Variants in PEX5L observed in about 807,000 individuals in gnomAD.
The protein encoded by PEX5L is peroxisomal biogenesis factor 5 like.
A neutral mutation model predicts 84.0 loss-of-function variants in PEX5L; 30 were observed. The ratio of observed to expected loss-of-function variants is 0.36; its 90% CI spans 0.27 to 0.48. PEX5L has a LOEUF of 0.48. Ranked by LOEUF, PEX5L falls within the 20% of genes least tolerant of loss-of-function variation. The pLI is 0.99. For missense variants in PEX5L, 533 were observed against 754.6 expected, an observed-to-expected ratio of 0.71 and a Z score of 3.44; for synonymous variants, 270 against 283.1, an observed-to-expected ratio of 0.95 and a Z score of 0.46.
chr3:180,005,056 G>T (rs1165374526), intron 1 of PEX5L, among the ~76,000 whole-genome samples: 1 of 152,014 alleles, frequency 6.6e-6, no homozygotes, highest in Non-Finnish European at 1.5e-5. Flanking sequence ...CTATTATTGT[G>T]TTAATGTTTA....
chr3:180,001,980 T>C (rs1323255375), intron 1 of PEX5L, among the ~76,000 whole-genome samples: 2 of 152,198 alleles, frequency 1.3e-5, no homozygotes, highest in Non-Finnish European at 2.9e-5. Flanking sequence ...TTACAAGTAG[T>C]ATGATATTGC....
chr3:179,833,421 A>G (rs777550362), intron 8 of PEX5L, among the ~76,000 whole-genome samples: 2 of 152,220 alleles, frequency 1.3e-5, no homozygotes, highest in Non-Finnish European at 2.9e-5. Context: ...CACACTTTTC[A>G]TTAATGCAAT....
intron 1 of PEX5L, among the ~76,000 whole-genome samples, chr3:180,016,496 C>A (rs1341871903): frequency 6.6e-6 from 1 of 152,134 alleles, no homozygotes; most frequent in African/African-American, 2.4e-5. Context: ...TTTAATTTGT[C>A]CTTGAATATA....
intron 2 of PEX5L, among the ~76,000 whole-genome samples, chr3:179,920,100 G>A (rs1000179313): frequency 1.3e-5 from 2 of 152,186 alleles, no homozygotes; most frequent in African/African-American, 4.8e-5. Context: ...ACAACAAGAA[G>A]GAGGTGTTCC....
Position 179,808,750 on chromosome 3 carries a change from A to C in PEX5L, c.1353-313T>G, listed in dbSNP as rs1722408416. ...AAGTTTCCCAAGGCCTCAGTGAATA[A>C]GGATTTAACATAAGGATTTATTGCT... On this transcript the variant is annotated intron_variant, in intron 12 of 14. Transcript: ENST00000467460. Among the ~76,000 whole-genome samples, 3 of 152,156 alleles carry C rather than the reference A, an allele frequency of 2.0e-5. No homozygotes were observed. In the South Asian group the frequency reaches 6.2e-4, roughly 32 times the overall value.
chr3:179,819,201 C>G (rs1473848324), intron 9 of PEX5L, among the ~76,000 whole-genome samples: 1 of 152,072 alleles, frequency 6.6e-6, no homozygotes, highest in Non-Finnish European at 1.5e-5. Flanking sequence ...AAGTCATTTA[C>G]ACTTATTCCT....
rs1048179269 is a variant in PEX5L at position 179,896,607 on chromosome 3, C to T, written c.198+1535G>A. Among the ~76,000 whole-genome samples the T allele has an allele frequency of 6.2e-4, 95 of 152,168 alleles. 1 individual carries two copies. Among genetic ancestry groups the T allele is most frequent in the Middle Eastern group, 3.4e-3 (1 of 294 alleles). The stretch of plus-strand genomic sequence containing the variant: ...GATTATCAGAAAGTACACAGCAATG[C>T]GTGATTTTGTGAAAAAAGAATCTTG... On this transcript the variant is annotated intron_variant, in intron 3 of 14. Transcript: ENST00000467460.
chr3:179,797,570 T>C lies in PEX5L; in HGVS notation c.*4258A>G, dbSNP rs917464756. ...CTTTTTTACAAACTTTATGCCAGAG[T>C]TTATCTATGAACACTCTTTAAAAAA... On this transcript the variant is annotated 3_prime_UTR_variant, in exon 15 of 15. Transcript: ENST00000467460. 21 of 138,350 alleles carry C rather than the reference T, an allele frequency of 1.5e-4. No homozygotes were observed. The highest frequency in any genetic ancestry group is 5.4e-4 in the African/African-American group (20 of 36,874). 8.6% of individuals were successfully genotyped at this position (138,350 alleles called of 1,614,324 possible). A position where few individuals can be genotyped will look rare whatever the true frequency, so the allele number is the denominator to read the frequency against.
At chr3:179,874,795 A>G (rs1445895868) in intron 6 of PEX5L, among the ~76,000 whole-genome samples, 1 of 105,750 alleles carries the variant, frequency 9.5e-6, no homozygotes, top group African/African-American at 3.9e-5. Flanking sequence ...AAAGTGTCTC[A>G]GGAGAGATTT....
intron 2 of PEX5L, among the ~76,000 whole-genome samples, chr3:179,901,631 GA>G (rs1761374501): frequency 6.6e-6 from 1 of 152,060 alleles, no homozygotes; most frequent in African/African-American, 2.4e-5. Flanking sequence ...TTAATTTCTT[GA>G]AATAACGTTG....
At chr3:179,974,449 C>T (rs1226355228) in intron 1 of PEX5L, among the ~76,000 whole-genome samples, 6 of 152,108 alleles carry the variant, frequency 3.9e-5, no homozygotes, top group Admixed American at 2.6e-4. Context: ...TAGGTGCAGC[C>T]GAGGAGGGAG....
chr3:179,905,019 A>T (rs1762663879), intron 2 of PEX5L, among the ~76,000 whole-genome samples: 1 of 152,136 alleles, frequency 6.6e-6, no homozygotes, highest in Admixed American at 6.5e-5. Context: ...AACAGTACTC[A>T]CAAGCCTTTG....
At chr3:179,907,381 T>C (rs918658058) in intron 2 of PEX5L, among the ~76,000 whole-genome samples, 1 of 152,114 alleles carries the variant, frequency 6.6e-6, no homozygotes, top group Non-Finnish European at 1.5e-5. Context: ...GGCGCAATCA[T>C]AGCTCACTGT....
At chr3:179,855,931 T>C (rs1743766668) in intron 8 of PEX5L, among the ~76,000 whole-genome samples, 1 of 152,230 alleles carries the variant, frequency 6.6e-6, no homozygotes, top group South Asian at 2.1e-4. Flanking sequence ...GTTATTTTGT[T>C]ATAGCAGCTC....
intron 2 of PEX5L, among the ~76,000 whole-genome samples, chr3:179,946,061 T>C (rs985179774): frequency 6.6e-6 from 1 of 152,092 alleles, no homozygotes; most frequent in African/African-American, 2.4e-5. Flanking sequence ...GTATTCATTC[T>C]TTATTTGCCA....
At chr3:179,886,173 A>G (rs150672039) in intron 4 of PEX5L, among the ~76,000 whole-genome samples, 16 of 152,314 alleles carry the variant, frequency 1.1e-4, no homozygotes, top group South Asian at 6.2e-4. Context: ...AGTGCATACA[A>G]TTCTCACTGA....
intron 14 of PEX5L, among the ~76,000 whole-genome samples, chr3:179,805,372 T>C (rs77404723): frequency 1.5e-3 from 234 of 152,242 alleles, no homozygotes; most frequent in African/African-American, 5.4e-3. Context: ...ATTGGTTTCA[T>C]GAACCCCTGA....
chr3:179,859,570 T>C (rs917199710), intron 7 of PEX5L, among the ~76,000 whole-genome samples: 1 of 152,224 alleles, frequency 6.6e-6, no homozygotes, highest in African/African-American at 2.4e-5. Context: ...GTGAGGAAGA[T>C]CAGCCTCCGG....
At chr3:179,904,328 A>G (rs1394995668) in intron 2 of PEX5L, among the ~76,000 whole-genome samples, 1 of 152,214 alleles carries the variant, frequency 6.6e-6, no homozygotes, top group African/African-American at 2.4e-5. Context: ...TAACTCCTGG[A>G]CCTTCCATTT....
Sources: allele counts gnomAD v4.1 joint callset (sites outside exome capture counted in the v4.1 genomes callset), GRCh38; gene constraint gnomAD v4.1.1; transcripts MANE v1.5; gene names NCBI Gene and HGNC (gene_info 2026-07-23, HGNC 2026-07-21).